The following IRX4 variants were observed in gnomAD, a reference collection of about 807,000 sequenced individuals.
The protein encoded by IRX4 is iroquois-class homeodomain protein IRX-4.
In IRX4, 22 loss-of-function variants were observed where a neutral mutation model predicts 32.0. The ratio of observed to expected loss-of-function variants is 0.69; its 90% CI spans 0.49 to 0.98. IRX4 has a LOEUF of 0.98. Among genes scored for constraint, IRX4 ranks in the 50% least tolerant of loss-of-function variants. The probability of loss-of-function intolerance (pLI) is 0.00; values close to 1 mark genes in which losing one functional copy is unlikely to be tolerated. For synonymous variants in IRX4, 379 were observed against 351.7 expected (o/e 1.08, Z -0.87); for missense variants, 840 against 744.2 (o/e 1.13, Z -1.50).
rs1454160548 is a variant in IRX4, at chr5:1,877,711, C to T, written c.*258G>A. On this transcript the variant is annotated 3_prime_UTR_variant, in exon 5 of 5. Coordinates refer to ENST00000231357, the MANE Select transcript of IRX4 (RefSeq NM_016358.3). ...CTTTATGCTTCAGGGTATCTGGCCT[C>T]TTCTGCTCCGAGAGCCTCTCCTTCC... The T allele has an allele frequency of 7.8e-6, 4 of 516,074 alleles. No individual in the cohort carries two copies. Among genetic ancestry groups the T allele is most frequent in the African/African-American group, 2.0e-5 (1 of 48,854 alleles). 32.0% of individuals were successfully genotyped at this position (516,074 alleles called of 1,614,324 possible). A position where few individuals can be genotyped will look rare whatever the true frequency, so the allele number is the denominator to read the frequency against.
rs775659824 is a variant in IRX4, at chr5:1,879,809, G to T, written c.431C>A (p.Thr144Lys). The T allele has an allele frequency of 6.2e-7, 1 of 1,614,022 alleles. No homozygotes were observed. The highest frequency in any genetic ancestry group is 8.5e-7 in the Non-Finnish European group (1 of 1,180,032). The change falls in exon 4 of 5, where the codon ACG becomes AAG. Residue 144 changes from threonine to lysine, a missense_variant. This residue lies in a region of IRX4 where 241 missense variants were observed against 220.8 expected (regional missense o/e 1.09). Transcript: ENST00000231357. ...YDRYGTMDSG[T>K]RRKNATRETT... ...CTCGCGCGTGGCGTTCTTGCGCCGCGTGCCGCTGTCCATGGTTCCATACCT... is the reference window on the plus strand; with the variant it reads ...CTCGCGCGTGGCGTTCTTGCGCCGCTTGCCGCTGTCCATGGTTCCATACCT...
At chr5:1,881,070 C>CGGG (rs1342519574) in intron 2 of IRX4, 10 of 94,012 alleles carry the variant, frequency 1.1e-4, no homozygotes, top group African/African-American at 6.7e-4. Context: ...TGGGGGGGGG[C>CGGG]GGGGGGGAGG....
rs1426566263 is a variant in IRX4 at position 1,877,657 on chromosome 5, G to C, written c.*312C>G. 1 of 384,788 alleles carries C rather than the reference G, an allele frequency of 2.6e-6. No homozygotes were observed. Among genetic ancestry groups the C allele is most frequent in the African/African-American group, 2.1e-5 (1 of 46,744 alleles). The allele number at this position is 384,788 out of a possible 1,614,324, so 23.8% of individuals were successfully genotyped here. A position where few individuals can be genotyped will look rare whatever the true frequency, so the allele number is the denominator to read the frequency against. ...GCAGACCACGCTTCAGAACGGAACC[G>C]CCTTCTCCATGTAAACTTTTGACGT... On this transcript the variant is annotated 3_prime_UTR_variant, in exon 5 of 5. Transcript: ENST00000231357.
intron 1 of IRX4, among the ~76,000 whole-genome samples, chr5:1,882,402 G>A (rs1735483001): frequency 6.6e-6 from 1 of 152,186 alleles, no homozygotes; most frequent in African/African-American, 2.4e-5. Context: ...ACCCGGGCCC[G>A]GCCCGTCGGA....
At chr5:1,879,418 G>A (rs1735343283) in intron 4 of IRX4, 86 bp downstream of exon 4, 1 of 1,584,986 alleles carries the variant, frequency 6.3e-7, no homozygotes, top group South Asian at 1.1e-5. Context: ...CGGCGTTTGG[G>A]ACCCCCAAGA....
rs1250723728 is a variant in IRX4, at chr5:1,880,821, G to T, written c.311C>A (p.Ser104Tyr). The T allele has an allele frequency of 6.2e-7, 1 of 1,613,504 alleles. No individual in the cohort carries two copies. The highest frequency in any genetic ancestry group is 1.3e-5 in the African/African-American group (1 of 74,904). ...SAFYSLNSFDSKDGSGSAHGG... is the reference protein window; with the variant it reads ...SAFYSLNSFDYKDGSGSAHGG... ...ATGCGCAGATCCCGAACCATCCTTG[G>T]AATCAAAGCTGTTCTGTGGGAGCCA... is the stretch of plus-strand genomic sequence containing the variant. Residue 104 changes from serine to tyrosine, a missense_variant, in exon 3 of 5, where the codon TCC (serine) becomes TAC (tyrosine). Physicochemically the swap from Ser to Tyr is moderately radical, Grantham distance 144. Transcript: ENST00000231357.
At position 1,882,629 on chromosome 5, in the gene IRX4, C is replaced by G. The variant is rs374397580; in HGVS notation, c.19G>C (p.Gly7Arg). Residue 7 changes from glycine (G) to arginine (R), a missense_variant, in exon 1 of 5, where the codon GGA becomes CGA. Transcript: ENST00000231357. MSYPQF[G>R]YPYSSAPQFL... ...TGGGGAGCCGAGGAGTAGGGGTATC[C>G]AAACTGCGGGTAGGACATGGCGGGC... 116 of 1,428,360 alleles carry G rather than the reference C, an allele frequency of 8.1e-5. 1 individual carries two copies. The African/African-American group carries it at 1.6e-3, about 20-fold the overall frequency. 88.5% of individuals were successfully genotyped at this position (1,428,360 alleles called of 1,614,324 possible).
At chr5:1,881,008 AAGTGGGGATGTTCTG>A in intron 2 of IRX4, 174 bp from the exon 3 acceptor site, 1 of 466,660 alleles carries the variant, frequency 2.1e-6, no homozygotes. Context: ...CGCAAACCTG[AAGTGGGGATGTTCTG>A]AGTTGCAGAA....
Position 1,882,018 on chromosome 5 carries a change from G to C in IRX4, c.87C>G (p.Ser29=). ...CGGAGTCCGCCAGCGTGCGGCCTCCGGACTCGCAGCACGTGCTCAGGGAGT... is the reference window on the plus strand; with the variant it reads ...CGGAGTCCGCCAGCGTGCGGCCTCCCGACTCGCAGCACGTGCTCAGGGAGT... ...ATNSLSTCCE[S]GGRTLADSGP... is the part of the protein sequence containing the mutation. The change falls in exon 2 of 5, where the codon TCC becomes TCG. Residue 29 remains serine, a synonymous_variant. Coordinates refer to ENST00000231357, the MANE Select transcript of IRX4 (RefSeq NM_016358.3). 3.2e-6 allele frequency: 5 copies of C among 1,548,426 alleles called. No individual in the cohort carries two copies. The highest frequency in any genetic ancestry group is 1.4e-5 in the African/African-American group (1 of 72,988).
intron 3 of IRX4, chr5:1,880,204 A>C (rs1251685842): frequency 4.4e-6 from 6 of 1,355,220 alleles, no homozygotes; most frequent in Middle Eastern, 1.8e-4. Flanking sequence ...CACGTGTGGC[A>C]GGAAGGGTCA....
At chr5:1,885,163 A>G (rs1004361204), upstream of IRX4, among the ~76,000 whole-genome samples, 1 of 152,116 alleles carries the variant, frequency 6.6e-6, no homozygotes, top group Non-Finnish European at 1.5e-5. Flanking sequence ...GCTCTAGTGC[A>G]ACAGCTCAGC....
In IRX4 at chr5:1,880,757, G is replaced by A. The variant is rs145620050; in HGVS notation, c.375C>T (p.Tyr125=). The A allele has an allele frequency of 3.3e-5, 53 of 1,613,666 alleles. No homozygotes were observed. The highest frequency in any genetic ancestry group is 5.5e-5 in the South Asian group (5 of 91,078). The change falls in exon 3 of 5, where the codon TAC becomes TAT. Residue 125 remains tyrosine, a synonymous_variant. Transcript: ENST00000231357. Reference sequence around the variant, plus strand: ...AGGGGTACTGGCCCAGAGCTGGCTCGTAAGGGTAGTAGGCGGCAGCGGCTG... The same window carrying A: ...AGGGGTACTGGCCCAGAGCTGGCTCATAAGGGTAGTAGGCGGCAGCGGCTG... The part of the protein sequence containing the change: ...LAPAAAAYYP[Y]EPALGQYPYD...
Position 1,878,695 on chromosome 5 carries a change from GGGCGGCTTCAGCTCGCACGCC to G in IRX4, c.813_833del (p.Ala272_Pro278del), listed in dbSNP as rs748746374. On this transcript the variant is annotated inframe_deletion, in exon 5 of 5. Transcript: ENST00000231357. Reference sequence around the variant, plus strand: ...CCAGACCGCCGTCCAGGGAGTGGAAGGGCGGCTTCAGCTCGCACGCCGGCGGCTCTGCTTCCAGCGGGTCGA... The same window carrying G: ...CCAGACCGCCGTCCAGGGAGTGGAAGGGCGGCTCTGCTTCCAGCGGGTCGA... 6 of 1,610,592 alleles carry G rather than the reference GGGCGGCTTCAGCTCGCACGCC, an allele frequency of 3.7e-6. No homozygotes were observed. In the South Asian group the frequency reaches 4.4e-5, roughly 12 times the overall value.
upstream of IRX4, among the ~76,000 whole-genome samples, chr5:1,886,389 C>T (rs766559433): frequency 4.6e-5 from 7 of 152,250 alleles, no homozygotes; most frequent in Non-Finnish European, 7.3e-5. Flanking sequence ...GGCGCCTGTG[C>T]CCGCCCACCG....
rs1218508334 is a variant in IRX4, at chr5:1,878,745, C to T, written c.784G>A (p.Asp262Asn). ...EKELELSDLD[D>N]FDPLEAEPPA... ...GGCTCTGCTTCCAGCGGGTCGAAGT[C>T]GTCCAAGTCACTAAGCTCCAGCTCC... Residue 262 changes from aspartate to asparagine, a missense_variant, in exon 5 of 5, where the codon GAC becomes AAC. Physicochemically the swap from Asp to Asn is conservative, Grantham distance 23. Transcript: ENST00000231357. The T allele has an allele frequency of 1.2e-6, 2 of 1,613,150 alleles. No individual in the cohort carries two copies. Among genetic ancestry groups the T allele is most frequent in the Non-Finnish European group, 8.5e-7 (1 of 1,179,974 alleles).
chr5:1,879,941 C>A (rs1735371613), intron 3 of IRX4, 109 bp from the exon 4 acceptor site: 28 of 1,533,622 alleles, frequency 1.8e-5, no homozygotes, highest in Non-Finnish European at 2.4e-5. Flanking sequence ...CTTTGCTTCC[C>A]CGTCGTGGGG....
rs1342519574 is a variant in IRX4, at chr5:1,881,070, CGG to C, written c.298-238_298-237del. ...TGGAGCGCGGGCCGGTGGGGGGGGG[CGG>C]GGGGGAGGAGGTGCAGTGTGGGGAG... On this transcript the variant is annotated intron_variant, in intron 2 of 4. Coordinates refer to ENST00000231357, the MANE Select transcript of IRX4 (RefSeq NM_016358.3). 4.3e-5 allele frequency: 4 copies of C among 94,030 alleles called. 1 individual carries two copies. Among genetic ancestry groups the C allele is most frequent in the South Asian group, 2.0e-4 (2 of 10,044 alleles). 5.8% of individuals were successfully genotyped at this position (94,030 alleles called of 1,614,324 possible). A position where few individuals can be genotyped will look rare whatever the true frequency, so the allele number is the denominator to read the frequency against.
At chr5:1,880,447 C>T (rs756073329) in intron 3 of IRX4, among the ~76,000 whole-genome samples, 8 of 152,192 alleles carry the variant, frequency 5.3e-5, no homozygotes, top group Non-Finnish European at 8.8e-5. Context: ...CTTCCAGATT[C>T]GACTTCCCTG....
upstream of IRX4, among the ~76,000 whole-genome samples, chr5:1,886,206 G>A (rs1735624203): frequency 6.6e-6 from 1 of 152,256 alleles, no homozygotes; most frequent in African/African-American, 2.4e-5. Flanking sequence ...GGCCAGCCTA[G>A]CCCTGGTGCT....
Sources: gnomAD v4.1 joint callset for allele counts (sites outside exome capture counted in the v4.1 genomes callset) on GRCh38, gnomAD v4.1.1 for gene constraint, gnomAD v4.1.1 regional missense constraint, MANE v1.5 for transcripts, NCBI Gene and HGNC (gene_info 2026-07-23, HGNC 2026-07-21) for gene names.